The following SPON1 variants were observed in gnomAD, a reference collection of about 807,000 sequenced individuals.
SPON1 encodes the protein spondin 1.
Under a neutral mutation model 111.7 loss-of-function variants are expected in SPON1, and 52 were observed. The ratio of observed to expected loss-of-function variants is 0.47; its 90% confidence interval spans 0.37 to 0.59. The LOEUF (loss-of-function observed/expected upper bound fraction) is 0.59. Among genes scored for constraint, SPON1 ranks in the 20% least tolerant of loss-of-function variants. SPON1 has a pLI of 0.00. For synonymous variants in SPON1, 410 were observed against 395.8 expected (o/e 1.04, Z -0.43); for missense variants, 957 against 1,068.5 (o/e 0.90, Z 1.46).
intron 4 of SPON1, among the ~76,000 whole-genome samples, chr11:14,077,692 C>T (rs1050928897): frequency 6.6e-6 from 1 of 151,904 alleles, no homozygotes; most frequent in Non-Finnish European, 1.5e-5. Flanking sequence ...GCCATGTTGG[C>T]CAGGCTGGTC....
intron 6 of SPON1, among the ~76,000 whole-genome samples, chr11:14,177,315 C>T (rs374792489): frequency 5.3e-5 from 8 of 151,958 alleles, no homozygotes; most frequent in African/African-American, 1.4e-4. Flanking sequence ...GCTGGGATTA[C>T]GGTCATGAAC....
At chr11:14,183,050 G>T (rs72861624) in intron 6 of SPON1, among the ~76,000 whole-genome samples, 1 of 152,224 alleles carries the variant, frequency 6.6e-6, no homozygotes, top group Admixed American at 6.5e-5. Context: ...ATCCATGACT[G>T]TGAAATGGCT....
At chr11:14,263,050 G>C in intron 15 of SPON1, 75 bp downstream of exon 15, 1 of 549,662 alleles carries the variant, frequency 1.8e-6, no homozygotes. Flanking sequence ...TCTTGGACCT[G>C]TTTAAAAAAA....
intron 6 of SPON1, among the ~76,000 whole-genome samples, chr11:14,231,170 G>A (rs1439334510): frequency 2.8e-5 from 4 of 145,344 alleles, no homozygotes; most frequent in Non-Finnish European, 6.0e-5. Context: ...GTCTCACTCT[G>A]TCACCCAGGC....
intron 1 of SPON1, among the ~76,000 whole-genome samples, chr11:13,973,826 T>C (rs1314804879): frequency 5.3e-5 from 8 of 152,138 alleles, no homozygotes; most frequent in African/African-American, 1.9e-4. Flanking sequence ...AAATTACACA[T>C]AATAAACAGG....
chr11:14,081,671 G>A (rs1246860404), intron 5 of SPON1, among the ~76,000 whole-genome samples: 1 of 151,926 alleles, frequency 6.6e-6, no homozygotes, highest in Non-Finnish European at 1.5e-5. Flanking sequence ...TTACTTTGGA[G>A]TTACCGCAGT....
intron 2 of SPON1, among the ~76,000 whole-genome samples, chr11:13,991,125 G>T (rs560964987): frequency 3.3e-5 from 5 of 152,258 alleles, no homozygotes; most frequent in Non-Finnish European, 7.4e-5. Flanking sequence ...GGCCTGTCTT[G>T]CTAGGTTGGA....
intron 3 of SPON1, among the ~76,000 whole-genome samples, chr11:14,061,711 G>T (rs749480211): frequency 5.3e-5 from 8 of 152,186 alleles, no homozygotes; most frequent in Non-Finnish European, 1.2e-4. Flanking sequence ...ACACTTGGAG[G>T]CTATTTAGTC....
intron 2 of SPON1, among the ~76,000 whole-genome samples, chr11:14,036,800 G>C (rs1020231833): frequency 1.3e-5 from 2 of 152,106 alleles, no homozygotes; most frequent in Non-Finnish European, 1.5e-5. Context: ...AAAGTGGAGA[G>C]AGTGGATGGG....
At chr11:13,990,288 A>G (rs952103960) in intron 2 of SPON1, among the ~76,000 whole-genome samples, 3 of 142,812 alleles carry the variant, frequency 2.1e-5, no homozygotes, top group Non-Finnish European at 4.5e-5. Context: ...TGATCCCTTT[A>G]CCATTCTGTA....
chr11:14,249,934 C>T (rs1161022390), intron 7 of SPON1, among the ~76,000 whole-genome samples: 1 of 152,174 alleles, frequency 6.6e-6, no homozygotes, highest in South Asian at 2.1e-4. Context: ...ACAGCTGATT[C>T]GAATCCAGCT....
chr11:14,160,427 A>G (rs1370656439), intron 6 of SPON1, among the ~76,000 whole-genome samples: 1 of 32,576 alleles, frequency 3.1e-5, no homozygotes, highest in Non-Finnish European at 4.6e-5. Context: ...TTATATATAT[A>G]TATTTATATA....
At chr11:14,015,373 A>G (rs1848437258) in intron 2 of SPON1, among the ~76,000 whole-genome samples, 1 of 152,190 alleles carries the variant, frequency 6.6e-6, no homozygotes, top group South Asian at 2.1e-4. Flanking sequence ...AAGGGATAAT[A>G]TAAGCAGTTT....
chr11:14,205,182 T>G (rs190180464), intron 6 of SPON1, among the ~76,000 whole-genome samples: 38 of 152,356 alleles, frequency 2.5e-4, no homozygotes, highest in Non-Finnish European at 4.6e-4. Context: ...AAATTTTGCC[T>G]TCGGAGTACT....
At chr11:14,043,368 G>A (rs1554917514) in intron 3 of SPON1, among the ~76,000 whole-genome samples, 1 of 152,196 alleles carries the variant, frequency 6.6e-6, no homozygotes, top group African/African-American at 2.4e-5. Context: ...CCTCTGGTTA[G>A]TTCTGAGTTG....
intron 2 of SPON1, among the ~76,000 whole-genome samples, chr11:14,031,664 T>G: frequency 6.6e-6 from 1 of 152,170 alleles, no homozygotes; most frequent in East Asian, 1.9e-4. Context: ...TGGAGGATTT[T>G]TTTTTTTCCT....
intron 5 of SPON1, among the ~76,000 whole-genome samples, chr11:14,091,138 A>C (rs186793899): frequency 4.0e-5 from 6 of 150,738 alleles, no homozygotes; most frequent in Non-Finnish European, 5.9e-5. Flanking sequence ...CTAGATACAG[A>C]GTGTCGATTG....
intron 5 of SPON1, among the ~76,000 whole-genome samples, chr11:14,126,323 T>G (rs948137397): frequency 4.6e-5 from 7 of 152,212 alleles, no homozygotes; most frequent in Non-Finnish European, 8.8e-5. Flanking sequence ...CAACACTAGA[T>G]AAAATATCAG....
chr11:14,157,172 A>G (rs1304393366), intron 6 of SPON1, among the ~76,000 whole-genome samples: 1 of 151,864 alleles, frequency 6.6e-6, no homozygotes, highest in African/African-American at 2.4e-5. Flanking sequence ...TCCTTTTTTT[A>G]TGTCCATTTT....
Sources: allele counts gnomAD v4.1 joint callset (sites outside exome capture counted in the v4.1 genomes callset), GRCh38; gene constraint gnomAD v4.1.1; transcripts MANE v1.5; gene names NCBI Gene and HGNC (gene_info 2026-07-23, HGNC 2026-07-21).